The following PITPNC1 variants were observed in gnomAD, a reference collection of about 807,000 sequenced individuals.
PITPNC1 encodes cytoplasmic phosphatidylinositol transfer protein 1.
Under a neutral mutation model 44.7 loss-of-function variants are expected in PITPNC1, and 18 were observed. That is an observed-to-expected ratio of 0.40 (90% CI 0.28 to 0.60). PITPNC1 has a LOEUF of 0.60. Among genes scored for constraint, PITPNC1 ranks in the 20% least tolerant of loss-of-function variants. The pLI is 0.39. For synonymous variants in PITPNC1, 141 were observed against 149.6 expected, an observed-to-expected ratio of 0.94 and a Z score of 0.42; for missense variants, 290 against 418.4, an observed-to-expected ratio of 0.69 and a Z score of 2.68.
chr17:67,459,101 T>C (rs1251722157), intron 1 of PITPNC1, among the ~76,000 whole-genome samples: 3 of 148,626 alleles, frequency 2.0e-5, no homozygotes, highest in African/African-American at 5.0e-5. Flanking sequence ...TGGGGCTTTT[T>C]TTTTTCTTTT....
At chr17:67,629,138 C>G (rs1169424297) in intron 5 of PITPNC1, among the ~76,000 whole-genome samples, 1 of 151,992 alleles carries the variant, frequency 6.6e-6, no homozygotes, top group African/African-American at 2.4e-5. Flanking sequence ...GCTTAGTTCC[C>G]TTTCTTTGAG....
intron 1 of PITPNC1, among the ~76,000 whole-genome samples, chr17:67,402,640 T>A (rs2038335250): frequency 6.6e-6 from 1 of 152,170 alleles, no homozygotes; most frequent in Non-Finnish European, 1.5e-5. Context: ...ATCCACTAGT[T>A]TCAAGTTTGA....
chr17:67,599,852 T>G (rs2041517855), intron 5 of PITPNC1, among the ~76,000 whole-genome samples: 1 of 152,128 alleles, frequency 6.6e-6, no homozygotes, highest in Non-Finnish European at 1.5e-5. Context: ...CGGGTGTATC[T>G]CCTCTGTTCC....
At chr17:67,391,014 T>TAC (rs2038129984) in intron 1 of PITPNC1, among the ~76,000 whole-genome samples, 1 of 152,072 alleles carries the variant, frequency 6.6e-6, no homozygotes, top group Non-Finnish European at 1.5e-5. Flanking sequence ...TCTAAACATG[T>TAC]AGCCAGCGTA....
intron 5 of PITPNC1, among the ~76,000 whole-genome samples, chr17:67,592,503 GGA>G (rs2144258790): frequency 6.6e-6 from 1 of 152,144 alleles, no homozygotes; most frequent in African/African-American, 2.4e-5. Context: ...AAAATCAGAT[GGA>G]AAAATAAAAG....
intron 1 of PITPNC1, among the ~76,000 whole-genome samples, chr17:67,464,179 C>T (rs550472772): frequency 1.0e-4 from 15 of 149,580 alleles, no homozygotes; most frequent in Non-Finnish European, 8.9e-5. Flanking sequence ...GGCGACAGAA[C>T]GAGACTCCAT....
chr17:67,664,546 C>G (rs2042394728), intron 6 of PITPNC1, among the ~76,000 whole-genome samples: 1 of 152,112 alleles, frequency 6.6e-6, no homozygotes, highest in Non-Finnish European at 1.5e-5. Context: ...ATTTGCATTT[C>G]TCTGATGATT....
At chr17:67,413,177 G>C (rs1037469715) in intron 1 of PITPNC1, among the ~76,000 whole-genome samples, 1 of 152,182 alleles carries the variant, frequency 6.6e-6, no homozygotes, top group Admixed American at 6.6e-5. Flanking sequence ...TTGCTCATAA[G>C]AATGACTTGG....
intron 1 of PITPNC1, among the ~76,000 whole-genome samples, chr17:67,398,997 A>G (rs931967844): frequency 6.7e-6 from 1 of 150,096 alleles, no homozygotes; most frequent in Non-Finnish European, 1.5e-5. Flanking sequence ...GTGTAGTTGT[A>G]AGAGGATCAG....
intron 5 of PITPNC1, chr17:67,613,688 A>G (rs1232985818): frequency 6.6e-6 from 1 of 151,972 alleles, no homozygotes; most frequent in Non-Finnish European, 1.5e-5. Context: ...GTGTAGTGGC[A>G]TGTGTCTGTA....
intron 6 of PITPNC1, among the ~76,000 whole-genome samples, chr17:67,634,767 T>A (rs962525523): frequency 1.5e-4 from 22 of 150,548 alleles, no homozygotes; most frequent in Admixed American, 3.3e-4. Flanking sequence ...AAAATGACAT[T>A]TCAGGCCGGG....
At chr17:67,494,978 C>CAA (rs112686327) in intron 1 of PITPNC1, among the ~76,000 whole-genome samples, 15,256 of 121,346 alleles carry the variant, frequency 0.13, 1,035 homozygotes, top group Middle Eastern at 0.23. Flanking sequence ...CTCAAACTGG[C>CAA]AAAAAAAAAC....
intron 5 of PITPNC1, chr17:67,611,242 C>A (rs2041683752): frequency 6.6e-6 from 1 of 152,152 alleles, no homozygotes; most frequent in South Asian, 2.1e-4. Flanking sequence ...GCCACATGTG[C>A]CTGTAGTACT....
rs2040137010 is a variant in PITPNC1 at position 67,508,571 on chromosome 17, A to G, written c.49-24231A>G. ...GTATCTCACGCCGACCTTCTGTCTC[A>G]TCCTGTGACTTAGAATGCCTTAACT... On this transcript the variant is annotated intron_variant, in intron 1 of 8. Coordinates refer to ENST00000581322, the MANE Select transcript of PITPNC1 (RefSeq NM_012417.4). The surrounding 1 kb of genome is among the most constrained non-coding windows in gnomAD (Gnocchi z 4.2). Among the ~76,000 whole-genome samples the G allele has an allele frequency of 6.6e-6, 1 of 152,160 alleles. No homozygotes were observed. Among genetic ancestry groups the G allele is most frequent in the Non-Finnish European group, 1.5e-5 (1 of 68,026 alleles).
intron 5 of PITPNC1, chr17:67,611,300 C>A (rs2041684411): frequency 6.6e-6 from 1 of 152,180 alleles, no homozygotes; most frequent in Non-Finnish European, 1.5e-5. Context: ...TATTAGAATC[C>A]TTGGGATGCT....
intron 1 of PITPNC1, among the ~76,000 whole-genome samples, chr17:67,443,444 G>T (rs1430556069): frequency 6.6e-6 from 1 of 151,100 alleles, no homozygotes; most frequent in Non-Finnish European, 1.5e-5. Context: ...TTCATTTTTC[G>T]ACTGTGATTT....
intron 5 of PITPNC1, among the ~76,000 whole-genome samples, chr17:67,593,802 C>G (rs1354210143): frequency 1.3e-5 from 2 of 152,158 alleles, no homozygotes; most frequent in Admixed American, 6.5e-5. Flanking sequence ...TCTTTGTGAT[C>G]CACTGTTAGC....
At chr17:67,667,902 C>T (rs2042448486) in intron 6 of PITPNC1, among the ~76,000 whole-genome samples, 1 of 152,144 alleles carries the variant, frequency 6.6e-6, no homozygotes, top group Non-Finnish European at 1.5e-5. Context: ...ATTGCTTGAA[C>T]TCAGGAGGCA....
chr17:67,585,332 G>C (rs1239044999), intron 5 of PITPNC1, among the ~76,000 whole-genome samples: 1 of 152,190 alleles, frequency 6.6e-6, no homozygotes, highest in South Asian at 2.1e-4. Flanking sequence ...ATGGGAAGGA[G>C]CCAGCCCTAT....
Sources: gnomAD v4.1 joint callset for allele counts (sites outside exome capture counted in the v4.1 genomes callset) on GRCh38, gnomAD v4.1.1 for gene constraint, Gnocchi (gnomAD v3.1) non-coding constraint, MANE v1.5 for transcripts, NCBI Gene and HGNC (gene_info 2026-07-23, HGNC 2026-07-21) for gene names.